Variants in RIPK1 observed in about 807,000 individuals in gnomAD.
RIPK1 encodes the protein receptor interacting serine/threonine kinase 1, also known as receptor-interacting serine/threonine-protein kinase 1.
RIPK1 carries 27 observed loss-of-function variants against 62.4 expected under a neutral mutation model. The observed-to-expected ratio is 0.43, with a 90% CI of 0.32 to 0.60. The LOEUF is 0.60. RIPK1 is among the 20% of genes least tolerant of loss of function. The pLI, the probability that RIPK1 is intolerant of heterozygous loss-of-function variation, is 0.07. For missense variants in RIPK1, 735 were observed against 831.0 expected (o/e 0.88, Z 1.42); for synonymous variants, 287 against 303.2 (o/e 0.95, Z 0.55).
In RIPK1 at chr6:3,105,955, C is replaced by T; in HGVS notation, c.1480C>T (p.Pro494Ser). ...AGPRVWYRPIPSHMPSLHNIP... is the reference protein window; with the variant it reads ...AGPRVWYRPISSHMPSLHNIP... ...TCCCAGAGTTTGGTACAGGCCAATTCCAAGTCATATGCCTAGTCTGCATAA... is the reference window on the plus strand; with the variant it reads ...TCCCAGAGTTTGGTACAGGCCAATTTCAAGTCATATGCCTAGTCTGCATAA... Residue 494 changes from proline to serine, a missense_variant, in exon 9 of 11, where the codon CCA becomes TCA. Physicochemically the swap from Pro to Ser is moderately conservative, Grantham distance 74. Coordinates refer to ENST00000259808, the MANE Select transcript of RIPK1 (RefSeq NM_001354930.2). The surrounding 1 kb of genome is among the most constrained non-coding windows in gnomAD (Gnocchi z 4.5). 6.2e-7 allele frequency: 1 copy of T among 1,614,066 alleles called. No homozygotes were observed.
At chr6:3,076,283 T>G (rs185047569) in intron 1 of RIPK1, among the ~76,000 whole-genome samples, 1 of 152,274 alleles carries the variant, frequency 6.6e-6, no homozygotes, top group Admixed American at 6.5e-5. Context: ...CTTAAAAATA[T>G]GAAAAATAGC....
chr6:3,088,040 A>G (rs1048601641), intron 6 of RIPK1, among the ~76,000 whole-genome samples: 3 of 152,080 alleles, frequency 2.0e-5, no homozygotes, highest in Non-Finnish European at 4.4e-5. Flanking sequence ...GCATCTATTG[A>G]TTGTCTTATT....
intron 1 of RIPK1, among the ~76,000 whole-genome samples, chr6:3,073,025 A>G (rs1401411427): frequency 6.6e-6 from 1 of 152,188 alleles, no homozygotes; most frequent in Non-Finnish European, 1.5e-5. Context: ...ACCCGTGTGG[A>G]TAAACACATG....
chr6:3,081,973 G>C (rs1759414281), intron 4 of RIPK1, among the ~76,000 whole-genome samples: 1 of 138,730 alleles, frequency 7.2e-6, no homozygotes, highest in Non-Finnish European at 1.5e-5. Flanking sequence ...GTTTACTTCT[G>C]TCTGTATTTT....
chr6:3,068,706 G>A (rs1188642655), intron 1 of RIPK1, 45 bp downstream of exon 1: 4 of 980,402 alleles, frequency 4.1e-6, no homozygotes, highest in Admixed American at 6.1e-5. Flanking sequence ...GAGGCCGCCG[G>A]GCTCAGTCCC....
rs12214394 is a variant in RIPK1 at position 3,074,687 on chromosome 6, T to C, written c.-60-2077T>C. Among the ~76,000 whole-genome samples, 1,281 of 150,650 alleles carry C rather than the reference T, an allele frequency of 8.5e-3. 8 individuals carry two copies. Among genetic ancestry groups the C allele is most frequent in the Non-Finnish European group, 0.013 (881 of 67,782 alleles). On this transcript the variant is annotated intron_variant, in intron 1 of 10. Coordinates refer to ENST00000259808, the MANE Select transcript of RIPK1 (RefSeq NM_001354930.2). ...TATTTATTATTTTATTTTATTTTAA[T>C]TTTTTTGAGACAGAGTCTCACTTTG... is the stretch of plus-strand genomic sequence containing the variant.
chr6:3,097,191 T>G (rs993306860), intron 7 of RIPK1, among the ~76,000 whole-genome samples: 4 of 152,010 alleles, frequency 2.6e-5, no homozygotes, highest in African/African-American at 9.7e-5. Context: ...CCTTTTAGTT[T>G]TGTGTGTGTG....
chr6:3,103,217 ATT>A (rs796625189), intron 7 of RIPK1, among the ~76,000 whole-genome samples: 2 of 139,810 alleles, frequency 1.4e-5, no homozygotes, highest in Admixed American at 7.1e-5. Context: ...GAGTTGTAGG[ATT>A]TTTTTTTTTT....
Position 3,080,965 on chromosome 6 carries a change from A to G in RIPK1, c.322-14A>G, listed in dbSNP as rs759461242. 28 of 1,611,942 alleles carry G rather than the reference A, an allele frequency of 1.7e-5. No individual in the cohort carries two copies. The highest frequency in any genetic ancestry group is 2.3e-5 in the Non-Finnish European group (27 of 1,178,752). On this transcript the variant is annotated splice_polypyrimidine_tract_variant and intron_variant, in intron 3 of 10. Transcript: ENST00000259808. Reference sequence around the variant, plus strand: ...AACCTTTCCATTTCATAGACTTAATATCACTTGTTTTAGATGAGTACTCCG... The same window carrying G: ...AACCTTTCCATTTCATAGACTTAATGTCACTTGTTTTAGATGAGTACTCCG...
Position 3,105,484 on chromosome 6 carries a change from A to G in RIPK1, c.1009A>G (p.Thr337Ala), listed in dbSNP as rs762968493. ...TAATGTTGATCATTTCTTCTCAGCCACAGAACAGCCTGGTTCACTGCACAG... is the reference window on the plus strand; with the variant it reads ...TAATGTTGATCATTTCTTCTCAGCCGCAGAACAGCCTGGTTCACTGCACAG... ...AVPSSRSNSA[T>A]EQPGSLHSSQ... Residue 337 changes from threonine (T) to alanine (A), a missense_variant and splice_region_variant, in exon 9 of 11, where the codon ACA becomes GCA. This residue lies in a region of RIPK1 where 671 missense variants were observed against 726.2 expected (regional missense o/e 0.92). Coordinates refer to ENST00000259808, the MANE Select transcript of RIPK1 (RefSeq NM_001354930.2). This position sits in a 1 kb window ranked among gnomAD's most constrained non-coding sequence, Gnocchi z 4.5. The G allele has an allele frequency of 1.1e-5, 17 of 1,529,678 alleles. No homozygotes were observed. The highest frequency in any genetic ancestry group is 1.5e-5 in the Non-Finnish European group (17 of 1,140,986). 94.8% of individuals were successfully genotyped at this position (1,529,678 alleles called of 1,614,324 possible).
rs569344727 is a variant in RIPK1 at position 3,071,765 on chromosome 6, C to T, written c.-61+3104C>T. On this transcript the variant is annotated intron_variant, in intron 1 of 10. Coordinates refer to ENST00000259808, the MANE Select transcript of RIPK1 (RefSeq NM_001354930.2). ...GAACTGACTTGGGTCAGGAGCTAAG[C>T]TCCCAAAGTCCAGTGGACCCAACTA... 4.9e-3 allele frequency among the ~76,000 whole-genome samples: 751 copies of T among 152,326 alleles called. 4 individuals are homozygous for T. The highest frequency in any genetic ancestry group is 0.02 in the Middle Eastern group (6 of 294).
At chr6:3,068,937 G>C (rs1221744157) in intron 1 of RIPK1, 1 of 153,442 alleles carries the variant, frequency 6.5e-6, no homozygotes, top group Non-Finnish European at 1.4e-5. Context: ...GGGTGCGCGC[G>C]GCGGGCGGGC....
chr6:3,107,249 C>G (rs1760897641), intron 9 of RIPK1, among the ~76,000 whole-genome samples: 1 of 138,552 alleles, frequency 7.2e-6, no homozygotes. Flanking sequence ...GAGATTGTGT[C>G]TCGAAAAAAA....
At chr6:3,103,829 A>G (rs961739956) in intron 7 of RIPK1, among the ~76,000 whole-genome samples, 4 of 152,164 alleles carry the variant, frequency 2.6e-5, no homozygotes, top group South Asian at 2.1e-4. Flanking sequence ...TAAGGGTCCA[A>G]CTTCATTATT....
chr6:3,094,018 C>CCTACCTGCCGCACCTAGTAACTGCAGCGT (rs1760125255), intron 7 of RIPK1, among the ~76,000 whole-genome samples: 2 of 103,452 alleles, frequency 1.9e-5, no homozygotes, highest in African/African-American at 2.0e-4. Flanking sequence ...AACTGCAGCG[C>CCTACCTGCCGCACCTAGTAACTGCAGCGT]GCCTACCTGC....
intron 1 of RIPK1, among the ~76,000 whole-genome samples, chr6:3,069,904 G>A (rs1758609743): frequency 6.6e-6 from 1 of 152,114 alleles, no homozygotes; most frequent in Non-Finnish European, 1.5e-5. Flanking sequence ...CCAGCTACGC[G>A]GGAGGCTGAG....
Position 3,114,487 on chromosome 6 carries a change from T to C in RIPK1, c.*1148T>C, listed in dbSNP as rs1761313004. ...CTGAAGCTGGGTAGGCCGCTCAGTG[T>C]CCACTGGCATTTTGCTAAACCGACA... On this transcript the variant is annotated 3_prime_UTR_variant, in exon 11 of 11. Coordinates refer to ENST00000259808, the MANE Select transcript of RIPK1 (RefSeq NM_001354930.2). The surrounding 1 kb of genome is among the most constrained non-coding windows in gnomAD (Gnocchi z 5.0). The C allele has an allele frequency of 6.8e-6, 1 of 147,902 alleles. No individual in the cohort carries two copies. Among genetic ancestry groups the C allele is most frequent in the Non-Finnish European group, 1.5e-5 (1 of 67,998 alleles). 9.2% of individuals were successfully genotyped at this position (147,902 alleles called of 1,614,324 possible).
chr6:3,109,766 C>T (rs1056822449), intron 9 of RIPK1, among the ~76,000 whole-genome samples: 1 of 152,204 alleles, frequency 6.6e-6, no homozygotes, highest in Non-Finnish European at 1.5e-5. Flanking sequence ...AACTAAAACT[C>T]TGTATCCATT....
rs1269670778 is a variant in RIPK1 at position 3,085,322 on chromosome 6, A to G, written c.752A>G (p.Asp251Gly). The change falls in exon 6 of 11, where the codon GAC becomes GGC. Residue 251 changes from aspartate to glycine, a missense_variant. By Grantham distance (94) the Asp-to-Gly change is moderately conservative. Transcript: ENST00000259808. ...IKSGNRPDVD[D>G]ITEYCPREII... ...TCTGGGAACAGGCCAGATGTGGATG[A>G]CATCACTGAGTACTGCCCAAGAGAA... The G allele has an allele frequency of 6.2e-7, 1 of 1,614,232 alleles. No individual in the cohort carries two copies. Among genetic ancestry groups the G allele is most frequent in the Admixed American group, 1.7e-5 (1 of 60,034 alleles).
Sources: allele counts gnomAD v4.1 joint callset (sites outside exome capture counted in the v4.1 genomes callset), GRCh38; gene constraint gnomAD v4.1.1; regional missense constraint gnomAD v4.1.1; non-coding constraint Gnocchi (gnomAD v3.1); transcripts MANE v1.5; gene names NCBI Gene and HGNC (gene_info 2026-07-23, HGNC 2026-07-21).